STK33: variants seen among roughly 807,000 people sequenced by gnomAD.
STK33 encodes serine/threonine kinase 33.
A neutral mutation model predicts 58.0 loss-of-function variants in STK33; 52 were observed. That is an observed-to-expected ratio of 0.90 (90% confidence interval 0.72 to 1.13). The LOEUF (loss-of-function observed/expected upper bound fraction) is 1.13, where lower values mean the gene tolerates loss of function less well. STK33 is among the 50% of genes most tolerant of loss of function. The pLI is 0.00. For synonymous variants in STK33, 215 were observed against 200.1 expected (o/e 1.07, Z -0.63); for missense variants, 630 against 604.2 (o/e 1.04, Z -0.45).
chr11:8,370,610 G>A, the STK33 span, among the ~76,000 whole-genome samples: 1 of 152,164 alleles, frequency 6.6e-6, no homozygotes, highest in Admixed American at 6.5e-5. Flanking sequence ...CTACAGATAC[G>A]GGGCCCAGAC....
In STK33 at chr11:8,512,611, T is replaced by C. The variant is rs145706721; in HGVS notation, c.-465-31997A>G. ...ATTGTAAGCTCATTTCTTATGAGCT[T>C]CTTAAGCTTATATTTTTTATTTTTA... is the stretch of plus-strand genomic sequence containing the variant. On this transcript the variant is annotated intron_variant, in intron 1 of 15. Coordinates refer to ENST00000687296, the MANE Select transcript of STK33 (RefSeq NM_001352389.2). Among the ~76,000 whole-genome samples, 623 of 151,932 alleles carry C rather than the reference T, an allele frequency of 4.1e-3. 5 individuals are homozygous for C. Among genetic ancestry groups the C allele is most frequent in the African/African-American group, 0.014 (593 of 41,548 alleles).
Position 8,473,173 on chromosome 11 carries a change from G to T in STK33, c.329C>A (p.Ala110Asp), listed in dbSNP as rs201014130. Residue 110 changes from alanine to aspartate, a missense_variant, in exon 6 of 16, where the codon GCT becomes GAT. By Grantham distance (126) the Ala-to-Asp change is moderately radical. Transcript: ENST00000687296. ...TTGCTTTCTATATACCTCAATAGCA[G>T]CTCCATTCTCAATCCTTATGTGAGG... ...KVPHIRIENG[A>D]AIEEIYTFGR... The T allele has an allele frequency of 2.1e-5, 34 of 1,610,166 alleles. No homozygotes were observed. Among genetic ancestry groups the T allele is most frequent in the Non-Finnish European group, 2.5e-6 (3 of 1,177,864 alleles).
intron 1 of STK33, among the ~76,000 whole-genome samples, chr11:8,557,257 A>AAGGG (rs1956807748): frequency 5.0e-4 from 9 of 17,958 alleles, no homozygotes; most frequent in African/African-American, 2.0e-3. Context: ...TGGGGAAGGG[A>AAGGG]AGGGGAGGGG....
intron 14 of STK33, among the ~76,000 whole-genome samples, chr11:8,422,450 T>G (rs1284238087): frequency 2.0e-5 from 3 of 152,184 alleles, no homozygotes; most frequent in Non-Finnish European, 2.9e-5. Context: ...TTTTGTATCC[T>G]GCAGTTTAGA....
chr11:8,552,701 T>C (rs1056044534), intron 1 of STK33, among the ~76,000 whole-genome samples: 8 of 152,148 alleles, frequency 5.3e-5, no homozygotes, highest in African/African-American at 1.9e-4. Context: ...CCACATTTTG[T>C]TCCTCTGGAA....
At chr11:8,448,916 T>A (rs1212199801) in intron 11 of STK33, among the ~76,000 whole-genome samples, 3 of 149,058 alleles carry the variant, frequency 2.0e-5, no homozygotes, top group African/African-American at 5.2e-5. Flanking sequence ...GAATCTACAA[T>A]GAACTCAAAC....
chr11:8,394,658 T>C (rs1379459880), intron 15 of STK33, among the ~76,000 whole-genome samples: 4 of 152,204 alleles, frequency 2.6e-5, no homozygotes, highest in African/African-American at 9.6e-5. Flanking sequence ...GAATTATTGA[T>C]GTAGAATATT....
intron 1 of STK33, among the ~76,000 whole-genome samples, chr11:8,540,401 C>T (rs1330069809): frequency 6.6e-6 from 1 of 151,910 alleles, no homozygotes; most frequent in Admixed American, 6.6e-5. Flanking sequence ...GGGAGGATCC[C>T]CTAAGTCCAG....
At chr11:8,511,945 T>C (rs1952362811) in intron 1 of STK33, among the ~76,000 whole-genome samples, 1 of 152,142 alleles carries the variant, frequency 6.6e-6, no homozygotes, top group African/African-American at 2.4e-5. Context: ...TAATATGTCA[T>C]AACTCTAAGA....
intron 14 of STK33, chr11:8,433,744 T>G (rs984426391): frequency 6.6e-6 from 1 of 152,346 alleles, no homozygotes; most frequent in Admixed American, 6.5e-5. Flanking sequence ...AGCCTCATTC[T>G]TCATCGAATC....
At chr11:8,464,920 G>A in intron 6 of STK33, 98 bp from the exon 7 acceptor site, 1 of 703,874 alleles carries the variant, frequency 1.4e-6, no homozygotes, top group South Asian at 2.2e-5. Flanking sequence ...AGGGAAAAGA[G>A]ATTCTGCTCC....
chr11:8,495,740 C>T (rs766126235), intron 1 of STK33, among the ~76,000 whole-genome samples: 1 of 152,112 alleles, frequency 6.6e-6, no homozygotes, highest in Admixed American at 6.6e-5. Flanking sequence ...AAATGTGGCA[C>T]ATAAACACCA....
At chr11:8,484,551 A>G (rs1442022180) in intron 1 of STK33, among the ~76,000 whole-genome samples, 1 of 152,214 alleles carries the variant, frequency 6.6e-6, no homozygotes, top group East Asian at 1.9e-4. Context: ...GTCATGCTAA[A>G]TTCTGAATGC....
intron 1 of STK33, among the ~76,000 whole-genome samples, chr11:8,572,989 T>C (rs1957929386): frequency 6.6e-6 from 1 of 150,986 alleles, no homozygotes; most frequent in South Asian, 2.1e-4. Flanking sequence ...AAAAAAGAGG[T>C]GAAGTATTTC....
chr11:8,569,709 C>A (rs879633165), intron 1 of STK33, among the ~76,000 whole-genome samples: 2 of 152,186 alleles, frequency 1.3e-5, no homozygotes, highest in Non-Finnish European at 2.9e-5. Flanking sequence ...GTAACCCCAG[C>A]ACTTTGGGAG....
intron 1 of STK33, among the ~76,000 whole-genome samples, chr11:8,522,410 T>C (rs1953545799): frequency 6.7e-6 from 1 of 149,746 alleles, no homozygotes; most frequent in African/African-American, 2.5e-5. Flanking sequence ...CCCTCATAGG[T>C]GGAAACTGAA....
intron 9 of STK33, among the ~76,000 whole-genome samples, chr11:8,456,917 G>A (rs558576539): frequency 2.6e-5 from 4 of 152,120 alleles, no homozygotes; most frequent in African/African-American, 9.7e-5. Context: ...GCATAAGTGC[G>A]AGCAGGGGAG....
chr11:8,402,199 A>G (rs1938151712), intron 15 of STK33, among the ~76,000 whole-genome samples: 1 of 152,236 alleles, frequency 6.6e-6, no homozygotes, highest in Admixed American at 6.5e-5. Flanking sequence ...CACAATAGCA[A>G]AGACTTGGAA....
chr11:8,336,144 C>T, the STK33 span, among the ~76,000 whole-genome samples: 1 of 152,238 alleles, frequency 6.6e-6, no homozygotes, highest in Non-Finnish European at 1.5e-5. Flanking sequence ...CGAGCTGGTC[C>T]TGCTGCTCAC....
Sources: allele counts gnomAD v4.1 joint callset (sites outside exome capture counted in the v4.1 genomes callset), GRCh38; gene constraint gnomAD v4.1.1; transcripts MANE v1.5; gene names NCBI Gene and HGNC (gene_info 2026-07-23, HGNC 2026-07-21).